Variants in WDR41 observed in about 807,000 individuals in gnomAD.
WDR41 encodes WD repeat domain 41.
Under a neutral mutation model 69.3 loss-of-function variants are expected in WDR41, and 63 were observed. The observed-to-expected ratio is 0.91, with a 90% CI of 0.74 to 1.12. WDR41 has a LOEUF of 1.12. Ranked by LOEUF, WDR41 falls within the 50% of genes most tolerant of loss-of-function variation. WDR41 has a pLI of 0.00. For synonymous variants in WDR41, 185 were observed against 192.1 expected (o/e 0.96, Z 0.31); for missense variants, 543 against 534.5 (o/e 1.02, Z -0.16).
chr5:77,571,755 T>C (rs1210530995), intron 1 of WDR41, among the ~76,000 whole-genome samples: 1 of 152,178 alleles, frequency 6.6e-6, no homozygotes, highest in African/African-American at 2.4e-5. Flanking sequence ...TTGAAGTTAA[T>C]AGAAACTTTA....
At chr5:77,434,033 A>G (rs1443336757) in intron 12 of WDR41, among the ~76,000 whole-genome samples, 15 of 152,182 alleles carry the variant, frequency 9.9e-5, no homozygotes, top group Non-Finnish European at 2.9e-5. Context: ...AAAGGGTGAA[A>G]TAAAAGAGAA....
In WDR41 at chr5:77,432,874, C is replaced by G; in HGVS notation, c.*261G>C. 1 of 319,164 alleles carries G rather than the reference C, an allele frequency of 3.1e-6. No individual in the cohort carries two copies. Among genetic ancestry groups the G allele is most frequent in the East Asian group, 5.4e-5 (1 of 18,442 alleles). The allele number at this position is 319,164 out of a possible 1,614,324, so 19.8% of individuals were successfully genotyped here. A position where few individuals can be genotyped will look rare whatever the true frequency, so the allele number is the denominator to read the frequency against. On this transcript the variant is annotated 3_prime_UTR_variant, in exon 13 of 13. Transcript: ENST00000296679. ...CACAAGGATCTAGGTTCAAAATAAG[C>G]TCAAAACACAGCACTCACCACTTCA...
At chr5:77,597,884 CAG>C (rs1185224832) in intron 1 of WDR41, among the ~76,000 whole-genome samples, 6 of 152,284 alleles carry the variant, frequency 3.9e-5, no homozygotes, top group African/African-American at 1.4e-4. Context: ...AACTGTCATT[CAG>C]AGTGTTTTTT....
At chr5:77,483,587 G>A (rs1207827283) in intron 2 of WDR41, among the ~76,000 whole-genome samples, 2 of 151,612 alleles carry the variant, frequency 1.3e-5, no homozygotes, top group Admixed American at 6.6e-5. Context: ...GTATGTCTAA[G>A]TTGTAGAGCC....
chr5:77,460,310 C>G (rs575901121), intron 4 of WDR41, among the ~76,000 whole-genome samples: 1 of 152,296 alleles, frequency 6.6e-6, no homozygotes, highest in African/African-American at 2.4e-5. Flanking sequence ...GCTAGATTAT[C>G]ATGAGAATTA....
chr5:77,454,048 C>T, intron 5 of WDR41, 120 bp from the exon 6 acceptor site: 1 of 721,622 alleles, frequency 1.4e-6, no homozygotes, highest in Non-Finnish European at 2.4e-6. Context: ...GCTTATTTCT[C>T]CTTAGTAGAT....
chr5:77,509,928 A>G (rs184779427), intron 1 of WDR41, among the ~76,000 whole-genome samples: 23 of 152,230 alleles, frequency 1.5e-4, no homozygotes, highest in African/African-American at 5.5e-4. Context: ...GAATCTTGCA[A>G]CTCTAGCAGT....
chr5:77,459,021 A>C (rs1161393605), intron 5 of WDR41, 41 bp downstream of exon 5: 4 of 1,430,258 alleles, frequency 2.8e-6, no homozygotes, highest in Non-Finnish European at 3.9e-6. Context: ...CTGAGACAAA[A>C]ATAGATTGTC....
At chr5:77,484,707 T>C (rs1029228362) in intron 2 of WDR41, among the ~76,000 whole-genome samples, 1 of 152,168 alleles carries the variant, frequency 6.6e-6, no homozygotes, top group Non-Finnish European at 1.5e-5. Flanking sequence ...CCAATGAGTA[T>C]GTTCATGCAA....
intron 2 of WDR41, among the ~76,000 whole-genome samples, chr5:77,481,552 C>A (rs1437758098): frequency 1.3e-5 from 2 of 151,866 alleles, no homozygotes; most frequent in Admixed American, 1.3e-4. Flanking sequence ...TTTGGGAGGC[C>A]GAGGCAGGCG....
At chr5:77,488,568 G>A (rs1314179101) in intron 2 of WDR41, among the ~76,000 whole-genome samples, 3 of 151,840 alleles carry the variant, frequency 2.0e-5, no homozygotes, top group Non-Finnish European at 2.9e-5. Flanking sequence ...AACAGCAAAG[G>A]CAAAAGACAA....
chr5:77,567,342 TC>T (rs1345168167), intron 1 of WDR41, among the ~76,000 whole-genome samples: 1 of 152,108 alleles, frequency 6.6e-6, no homozygotes, highest in Non-Finnish European at 1.5e-5. Context: ...TCTATACATC[TC>T]CTAGCATTCT....
Position 77,489,516 on chromosome 5 carries a change from C to G in WDR41, c.108G>C (p.Leu36=), listed in dbSNP as rs1236330946. 1.2e-6 allele frequency: 2 copies of G among 1,608,754 alleles called. No homozygotes were observed. Among genetic ancestry groups the G allele is most frequent in the Non-Finnish European group, 1.7e-6 (2 of 1,178,458 alleles). The change falls in exon 2 of 13, where the codon CTG becomes CTC. Residue 36 remains leucine, a synonymous_variant. Coordinates refer to ENST00000296679, the MANE Select transcript of WDR41 (RefSeq NM_018268.4). ...TATCATGATGAGCCTTCAGTACTAG[C>G]AGTTCAGTGTAGGGATTCTGGGTTT... is the stretch of plus-strand genomic sequence containing the variant. ...EEQTQNPYTE[L]LVLKAHHDIV...
At position 77,449,595 on chromosome 5, in the gene WDR41, A is replaced by G. The variant is rs114315986; in HGVS notation, c.697+165T>C. On this transcript the variant is annotated intron_variant, in intron 8 of 12. Coordinates refer to ENST00000296679, the MANE Select transcript of WDR41 (RefSeq NM_018268.4). Reference sequence around the variant, plus strand: ...AATCTTAGACCTAGCAATCTAGGAAACTTGCTCAGCTCCACCGGCTAAAAC... The same window carrying G: ...AATCTTAGACCTAGCAATCTAGGAAGCTTGCTCAGCTCCACCGGCTAAAAC... 3.4e-3 allele frequency among the ~76,000 whole-genome samples: 517 copies of G among 152,310 alleles called. 4 individuals are homozygous for G. Among genetic ancestry groups the G allele is most frequent in the African/African-American group, 0.012 (486 of 41,562 alleles).
chr5:77,549,205 C>T (rs1277821404), intron 1 of WDR41, among the ~76,000 whole-genome samples: 1 of 152,036 alleles, frequency 6.6e-6, no homozygotes, highest in African/African-American at 2.4e-5. Flanking sequence ...GTGATGGGTG[C>T]ACCAAAATCT....
chr5:77,446,659 A>G (rs1360537256), intron 8 of WDR41, among the ~76,000 whole-genome samples: 1 of 152,210 alleles, frequency 6.6e-6, no homozygotes, highest in African/African-American at 2.4e-5. Context: ...AAACCTGACA[A>G]AAACAAGCAA....
intron 2 of WDR41, among the ~76,000 whole-genome samples, chr5:77,474,734 A>T (rs576571356): frequency 6.8e-4 from 104 of 152,338 alleles, no homozygotes; most frequent in South Asian, 2.1e-3. Flanking sequence ...GCAAAGGTAA[A>T]ACATTTGGTA....
intron 12 of WDR41, among the ~76,000 whole-genome samples, chr5:77,434,710 G>A (rs879876807): frequency 6.6e-6 from 1 of 151,926 alleles, no homozygotes; most frequent in Admixed American, 6.6e-5. Flanking sequence ...GAAAAAAAAA[G>A]AAATGAGGAA....
chr5:77,435,678 T>C (rs1473220457), intron 12 of WDR41, among the ~76,000 whole-genome samples: 1 of 152,198 alleles, frequency 6.6e-6, no homozygotes, highest in Non-Finnish European at 1.5e-5. Flanking sequence ...TCAACTGATC[T>C]TATTCCTTCA....
Sources: allele counts gnomAD v4.1 joint callset (sites outside exome capture counted in the v4.1 genomes callset), GRCh38; gene constraint gnomAD v4.1.1; transcripts MANE v1.5; gene names NCBI Gene and HGNC (gene_info 2026-07-23, HGNC 2026-07-21).